The following TRPC5OS variants were observed in gnomAD, a reference collection of about 807,000 sequenced individuals.
TRPC5OS encodes putative uncharacterized protein TRPC5OS.
For synonymous variants in TRPC5OS, 30 were observed against 29.3 expected (o/e 1.02, Z -0.08); for missense variants, 64 against 79.3 (o/e 0.81, Z 0.73).
intron 1 of TRPC5OS, among the ~76,000 whole-genome samples, chrX:111,885,621 C>T (rs757979843): frequency 3.7e-5 from 4 of 108,918 alleles, no homozygotes; most frequent in African/African-American, 1.3e-4. Flanking sequence ...ATAACATTAT[C>T]TTGTTTGATT....
At chrX:111,877,826 C>A (rs754016411) in intron 1 of TRPC5OS, among the ~76,000 whole-genome samples, 1 of 111,169 alleles carries the variant, frequency 9.0e-6, no homozygotes, top group Admixed American at 9.6e-5. Context: ...AAAAAGAAAC[C>A]TGAGGCTGAG....
At chrX:111,887,531 G>A (rs1449713885) in intron 1 of TRPC5OS, among the ~76,000 whole-genome samples, 2 of 111,893 alleles carry the variant, frequency 1.8e-5, no homozygotes, top group Non-Finnish European at 3.8e-5. Context: ...TACAGAAAAA[G>A]GGTACAAAAC....
chrX:111,881,973 C>T (rs1374473484), intron 1 of TRPC5OS: 1 of 110,963 alleles, frequency 9.0e-6, no homozygotes, highest in East Asian at 2.8e-4. Context: ...CTTCTGGCTG[C>T]AAAGAGCCTA....
At chrX:111,880,840 C>G (rs1244747691) in intron 1 of TRPC5OS, among the ~76,000 whole-genome samples, 1 of 112,290 alleles carries the variant, frequency 8.9e-6, no homozygotes, top group African/African-American at 3.2e-5. Context: ...GATTTATCAT[C>G]CTGTTGTTGG....
chrX:111,883,895 A>G (rs773233153), intron 1 of TRPC5OS, among the ~76,000 whole-genome samples: 1 of 112,967 alleles, frequency 8.9e-6, no homozygotes, highest in African/African-American at 3.2e-5. Context: ...CCAGGACCTA[A>G]GCCTAGTTAA....
At chrX:111,899,899 A>G (rs983429547) in intron 3 of TRPC5OS, among the ~76,000 whole-genome samples, 8 of 111,381 alleles carry the variant, frequency 7.2e-5, no homozygotes, top group Non-Finnish European at 1.5e-4. Flanking sequence ...CCGTTCTCCT[A>G]TATTCCATAT....
chrX:111,889,651 G>A (rs1924707462), intron 1 of TRPC5OS, among the ~76,000 whole-genome samples: 1 of 111,678 alleles, frequency 9.0e-6, no homozygotes, highest in African/African-American at 3.3e-5. Flanking sequence ...ACTTTGGGAG[G>A]TAGAGGTATG....
chrX:111,892,182 T>C (rs1170135557), intron 1 of TRPC5OS, among the ~76,000 whole-genome samples: 1 of 112,318 alleles, frequency 8.9e-6, no homozygotes, highest in Non-Finnish European at 1.9e-5. Context: ...GATATATTCC[T>C]GAAGTTAGGG....
intron 3 of TRPC5OS, among the ~76,000 whole-genome samples, chrX:111,901,025 T>G (rs1283080263): frequency 1.8e-5 from 2 of 111,412 alleles, no homozygotes. Context: ...AGCTGCTAGA[T>G]ATGGAAGTGG....
At chrX:111,900,400 A>G (rs1031990448) in intron 3 of TRPC5OS, among the ~76,000 whole-genome samples, 1 of 112,171 alleles carries the variant, frequency 8.9e-6, no homozygotes, top group Non-Finnish European at 1.9e-5. Context: ...AAACTGGTCA[A>G]AGGTATATAG....
At chrX:111,886,856 G>A (rs1387895234) in intron 1 of TRPC5OS, among the ~76,000 whole-genome samples, 1 of 112,689 alleles carries the variant, frequency 8.9e-6, no homozygotes, top group Non-Finnish European at 1.9e-5. Context: ...AAATATAGCT[G>A]CATCTTCCAC....
chrX:111,893,619 T>C (rs1924915526), intron 1 of TRPC5OS, among the ~76,000 whole-genome samples: 1 of 112,277 alleles, frequency 8.9e-6, no homozygotes, highest in Non-Finnish European at 1.9e-5. Context: ...TTGGTTTAAA[T>C]TGACCATAAG....
chrX:111,877,574 ATCAGAG>A (rs773822423), intron 1 of TRPC5OS, among the ~76,000 whole-genome samples: 4 of 111,522 alleles, frequency 3.6e-5, no homozygotes, highest in Middle Eastern at 4.2e-3. Flanking sequence ...TAGGAAGGAC[ATCAGAG>A]TCAGAGTCAG....
intron 3 of TRPC5OS, among the ~76,000 whole-genome samples, chrX:111,896,788 G>A (rs972250871): frequency 4.5e-5 from 5 of 111,827 alleles, no homozygotes; most frequent in South Asian, 3.7e-4. Flanking sequence ...TTAGAAGTCC[G>A]ACCTGGGCTG....
intron 1 of TRPC5OS, among the ~76,000 whole-genome samples, chrX:111,893,079 G>GT (rs79584045): frequency 0.041 from 3,623 of 87,998 alleles, 182 homozygotes; most frequent in African/African-American, 0.13. Flanking sequence ...CAAATATAGG[G>GT]TTTTTTTTTT....
chrX:111,880,424 C>T (rs779478961), intron 1 of TRPC5OS, among the ~76,000 whole-genome samples: 1 of 112,479 alleles, frequency 8.9e-6, no homozygotes, highest in South Asian at 3.7e-4. Context: ...CTATACATAG[C>T]TTAATGTAAA....
At chrX:111,881,517 G>C (rs370003524) in intron 1 of TRPC5OS, among the ~76,000 whole-genome samples, 1 of 111,290 alleles carries the variant, frequency 9.0e-6, no homozygotes, top group Non-Finnish European at 1.9e-5. Context: ...ACCAAATGTC[G>C]GTGTCCTAGA....
chrX:111,886,723 C>G (rs1390340543), intron 1 of TRPC5OS, among the ~76,000 whole-genome samples: 1 of 112,055 alleles, frequency 8.9e-6, no homozygotes, highest in Non-Finnish European at 1.9e-5. Flanking sequence ...CTCTCTGGTA[C>G]TGTGGATTCA....
chrX:111,901,603 A>G lies in TRPC5OS; in HGVS notation c.-247A>G. 4.0e-6 allele frequency: 1 copy of G among 251,580 alleles called. No homozygotes were observed. The highest frequency in any genetic ancestry group is 7.0e-6 in the Non-Finnish European group (1 of 142,127). The allele number at this position is 251,580 out of a possible 1,213,427, so 20.7% of individuals were successfully genotyped here. A position where few individuals can be genotyped will look rare whatever the true frequency, so the allele number is the denominator to read the frequency against. ...CTGATGGTCATTATAACAGCAGTTC[A>G]CCATTAGTACAAACAAGAGTACCAT... On this transcript the variant is annotated 5_prime_UTR_variant, in exon 4 of 4. Transcript: ENST00000635763.
Sources: gnomAD v4.1 joint callset for allele counts (sites outside exome capture counted in the v4.1 genomes callset) on GRCh38, gnomAD v4.1.1 for gene constraint, MANE v1.5 for transcripts, NCBI Gene and HGNC (gene_info 2026-07-23, HGNC 2026-07-21) for gene names.